Variants in MBD2 observed in about 807,000 individuals in gnomAD.
MBD2 encodes the protein methyl-CpG binding domain protein 2.
MBD2 carries 9 observed loss-of-function variants against 39.3 expected under a neutral mutation model. The observed-to-expected ratio is 0.23, with a 90% CI of 0.14 to 0.40. The LOEUF (loss-of-function observed/expected upper bound fraction) is 0.40, where lower values mean the gene tolerates loss of function less well. MBD2 is among the 10% of genes least tolerant of loss of function. The probability of loss-of-function intolerance (pLI) is 1.00; values close to 1 mark genes in which losing one functional copy is unlikely to be tolerated. For missense variants in MBD2, 458 were observed against 532.6 expected (o/e 0.86, Z 1.38); for synonymous variants, 233 against 211.1 (o/e 1.10, Z -0.90).
chr18:54,206,307 GA>G (rs2086449461), intron 1 of MBD2, among the ~76,000 whole-genome samples: 1 of 152,160 alleles, frequency 6.6e-6, no homozygotes, highest in African/African-American at 2.4e-5. Context: ...TAATCTGTAA[GA>G]AAGTTTTTAT....
At chr18:54,197,899 T>C (rs1053737897) in intron 2 of MBD2, among the ~76,000 whole-genome samples, 2 of 152,230 alleles carry the variant, frequency 1.3e-5, no homozygotes, top group Admixed American at 1.3e-4. Flanking sequence ...GCTAGACTTA[T>C]CACCTACGAC....
intron 1 of MBD2, among the ~76,000 whole-genome samples, chr18:54,220,117 A>T (rs888121162): frequency 6.6e-6 from 1 of 152,174 alleles, no homozygotes; most frequent in Non-Finnish European, 1.5e-5. Flanking sequence ...TGATTTTTTT[A>T]AAAAAGGCAA....
At position 54,159,884 on chromosome 18, in the gene MBD2, G is replaced by T; in HGVS notation, c.1129C>A (p.Gln377Lys). The T allele has an allele frequency of 6.2e-7, 1 of 1,612,414 alleles. No individual in the cohort carries two copies. Among genetic ancestry groups the T allele is most frequent in the Non-Finnish European group, 8.5e-7 (1 of 1,179,988 alleles). ...TCTTCCAATTTCTTGCGTACTTGCTGTACTCGCTCTTCCTGTTTCCTTTTT... is the reference window on the plus strand; with the variant it reads ...TCTTCCAATTTCTTGCGTACTTGCTTTACTCGCTCTTCCTGTTTCCTTTTT... ...EDIRKQEERV[Q>K]QVRKKLEEAL... The change falls in exon 6 of 7, where the codon CAG (glutamine) becomes AAG (lysine). Residue 377 changes from glutamine (Q) to lysine (K), a missense_variant. By Grantham distance (53) the Gln-to-Lys change is moderately conservative (BLOSUM62 1). Around this residue, in one of 2 missense-constraint regions of MBD2, gnomAD observed 189 missense variants for 296.6 expected, o/e 0.64. Transcript: ENST00000256429.
At chr18:54,171,270 G>A (rs143137762) in intron 3 of MBD2, among the ~76,000 whole-genome samples, 565 of 151,958 alleles carry the variant, frequency 3.7e-3, no homozygotes, top group African/African-American at 4.3e-3. Flanking sequence ...GCGTGGTGGC[G>A]CATGCCTGTA....
At chr18:54,213,665 T>G (rs1370510518) in intron 1 of MBD2, among the ~76,000 whole-genome samples, 1 of 152,182 alleles carries the variant, frequency 6.6e-6, no homozygotes, top group Non-Finnish European at 1.5e-5. Flanking sequence ...TGTCAGAAAT[T>G]AAGTATGTTT....
intron 3 of MBD2, among the ~76,000 whole-genome samples, chr18:54,171,320 C>T (rs2086178141): frequency 6.6e-6 from 1 of 151,842 alleles, no homozygotes. Context: ...TCACTTGAAC[C>T]CAGGAGGTGG....
intron 1 of MBD2, chr18:54,222,468 G>T: frequency 2.3e-6 from 1 of 438,754 alleles, no homozygotes; most frequent in South Asian, 1.7e-5. Flanking sequence ...TACAAACCAA[G>T]ACTATCACAC....
chr18:54,209,665 G>A (rs1379207537), intron 1 of MBD2, among the ~76,000 whole-genome samples: 1 of 152,202 alleles, frequency 6.6e-6, no homozygotes, highest in Non-Finnish European at 1.5e-5. Flanking sequence ...TTAGGCCAGA[G>A]ACTTTACTCT....
chr18:54,201,764 G>A (rs1300019265), intron 2 of MBD2, among the ~76,000 whole-genome samples: 1 of 151,598 alleles, frequency 6.6e-6, no homozygotes, highest in African/African-American at 2.4e-5. Context: ...TCGGGAGGCT[G>A]AGGCAGGAGA....
At chr18:54,218,659 G>A (rs562654836) in intron 1 of MBD2, among the ~76,000 whole-genome samples, 2 of 152,130 alleles carry the variant, frequency 1.3e-5, no homozygotes, top group Admixed American at 1.3e-4. Flanking sequence ...GTTTCATAGG[G>A]TTATAAGAAT....
At chr18:54,200,942 T>G (rs2086402800) in intron 2 of MBD2, among the ~76,000 whole-genome samples, 1 of 151,824 alleles carries the variant, frequency 6.6e-6, no homozygotes, top group Non-Finnish European at 1.5e-5. Flanking sequence ...TAGCTGGGCG[T>G]GGTGGCGGGG....
chr18:54,166,508 T>C (rs1266140286), intron 3 of MBD2, among the ~76,000 whole-genome samples: 1 of 152,224 alleles, frequency 6.6e-6, no homozygotes, highest in Admixed American at 6.5e-5. Context: ...GAAATTTTAA[T>C]GCTACGACTT....
chr18:54,215,429 G>A (rs1405843765), intron 1 of MBD2, among the ~76,000 whole-genome samples: 1 of 150,896 alleles, frequency 6.6e-6, no homozygotes, highest in Non-Finnish European at 1.5e-5. Flanking sequence ...AAATAAATTA[G>A]TTAAAACTAG....
intron 3 of MBD2, among the ~76,000 whole-genome samples, chr18:54,171,727 T>C (rs2144290671): frequency 6.6e-6 from 1 of 152,350 alleles, no homozygotes; most frequent in Middle Eastern, 3.4e-3. Context: ...CACTTAGCCA[T>C]CAACACCTTT....
chr18:54,157,994 TCTC>T (rs2086066244), intron 6 of MBD2, among the ~76,000 whole-genome samples: 1 of 151,998 alleles, frequency 6.6e-6, no homozygotes, highest in South Asian at 2.1e-4. Flanking sequence ...TCCCAACTGG[TCTC>T]CTTGCTTCCA....
At chr18:54,172,627 C>A (rs1445054598) in intron 3 of MBD2, among the ~76,000 whole-genome samples, 1 of 152,098 alleles carries the variant, frequency 6.6e-6, no homozygotes, top group Admixed American at 6.5e-5. Flanking sequence ...TGATGTGTCT[C>A]TGTTGTGTTA....
At chr18:54,202,793 T>C in intron 2 of MBD2, 2 of 1,544,022 alleles carry the variant, frequency 1.3e-6, no homozygotes, top group Admixed American at 2.0e-5. Flanking sequence ...ACCTACCGTG[T>C]GCAAAAGCAA....
intron 3 of MBD2, among the ~76,000 whole-genome samples, chr18:54,169,549 T>C (rs1177003187): frequency 6.6e-6 from 1 of 152,192 alleles, no homozygotes; most frequent in Non-Finnish European, 1.5e-5. Flanking sequence ...TTCTCAACCA[T>C]TAGAAGTCCA....
At chr18:54,175,853 T>C (rs2086209448) in intron 3 of MBD2, among the ~76,000 whole-genome samples, 1 of 152,202 alleles carries the variant, frequency 6.6e-6, no homozygotes, top group African/African-American at 2.4e-5. Context: ...AGACATTTTG[T>C]GATGGTTCTC....
Sources: allele counts gnomAD v4.1 joint callset (sites outside exome capture counted in the v4.1 genomes callset), GRCh38; gene constraint gnomAD v4.1.1; regional missense constraint gnomAD v4.1.1; transcripts MANE v1.5; gene names NCBI Gene and HGNC (gene_info 2026-07-23, HGNC 2026-07-21).